PAK5: variants seen among roughly 807,000 people sequenced by gnomAD.
PAK5 encodes the protein serine/threonine-protein kinase PAK 5.
Under a neutral mutation model 65.9 loss-of-function variants are expected in PAK5, and 16 were observed. That is an observed-to-expected ratio of 0.24 (90% CI 0.16 to 0.37). The LOEUF (loss-of-function observed/expected upper bound fraction) is 0.37. Ranked by LOEUF, PAK5 falls within the 10% of genes least tolerant of loss-of-function variation. The pLI, the probability that PAK5 is intolerant of heterozygous loss-of-function variation, is 1.00. For missense variants in PAK5, 785 were observed against 903.9 expected (o/e 0.87, Z 1.69); for synonymous variants, 371 against 354.9 (o/e 1.05, Z -0.51).
intron 3 of PAK5, among the ~76,000 whole-genome samples, chr20:9,624,496 G>A (rs1310112635): frequency 6.6e-6 from 1 of 151,744 alleles, no homozygotes; most frequent in Non-Finnish European, 1.5e-5. Flanking sequence ...TGTCCAGGAT[G>A]GGGTAGAAAT....
chr20:9,609,636 A>C (rs1426481059), intron 3 of PAK5, among the ~76,000 whole-genome samples: 3 of 152,198 alleles, frequency 2.0e-5, no homozygotes, highest in Non-Finnish European at 4.4e-5. Context: ...AGGCAGGAAC[A>C]TGAGGGTGTT....
intron 3 of PAK5, among the ~76,000 whole-genome samples, chr20:9,588,889 G>C (rs1339767511): frequency 1.3e-5 from 2 of 152,186 alleles, no homozygotes; most frequent in Non-Finnish European, 2.9e-5. Flanking sequence ...CCCAGTGACA[G>C]TGGCCATATT....
chr20:9,614,919 A>G (rs1423333204), intron 3 of PAK5, among the ~76,000 whole-genome samples: 1 of 152,234 alleles, frequency 6.6e-6, no homozygotes, highest in Non-Finnish European at 1.5e-5. Flanking sequence ...AAGTGAAGGT[A>G]AAATGAAATT....
intron 1 of PAK5, among the ~76,000 whole-genome samples, chr20:9,780,502 A>T (rs1164933235): frequency 6.6e-6 from 1 of 152,280 alleles, no homozygotes; most frequent in East Asian, 1.9e-4. Flanking sequence ...CATGCACATC[A>T]TCATCCCAAT....
chr20:9,598,516 A>G (rs1166707641), intron 3 of PAK5, among the ~76,000 whole-genome samples: 1 of 152,150 alleles, frequency 6.6e-6, no homozygotes, highest in East Asian at 1.9e-4. Flanking sequence ...CTGGTTCTAG[A>G]TCCTTGAGGA....
intron 1 of PAK5, among the ~76,000 whole-genome samples, chr20:9,829,016 C>T (rs1336654246): frequency 6.6e-6 from 1 of 152,204 alleles, no homozygotes; most frequent in African/African-American, 2.4e-5. Context: ...CAAAGGTACA[C>T]CTTATGGCCA....
At chr20:9,819,391 G>A (rs563436513) in intron 1 of PAK5, among the ~76,000 whole-genome samples, 2 of 152,076 alleles carry the variant, frequency 1.3e-5, no homozygotes, top group South Asian at 4.2e-4. Flanking sequence ...TGGTGTCTTT[G>A]GTAACTTATA....
In PAK5 at chr20:9,812,288, CA is replaced by C. The variant is rs921265782; in HGVS notation, c.-162+26473del. 4.2e-3 allele frequency among the ~76,000 whole-genome samples: 602 copies of C among 141,960 alleles called. 2 individuals carry two copies. Among genetic ancestry groups the C allele is most frequent in the African/African-American group, 0.013 (485 of 38,706 alleles). 93.1% of individuals were successfully genotyped at this position (141,960 alleles called of 152,430 possible). A position where few individuals can be genotyped will look rare whatever the true frequency, so the allele number is the denominator to read the frequency against. ...TTTTTGAATTTCATAAGCTCAATAACAAAAAAAAAACGATGTTTAAAATCAA... is the reference window on the plus strand; with the variant it reads ...TTTTTGAATTTCATAAGCTCAATAACAAAAAAAAACGATGTTTAAAATCAA... On this transcript the variant is annotated intron_variant, in intron 1 of 9. Coordinates refer to ENST00000353224, the MANE Select transcript of PAK5 (RefSeq NM_177990.4).
At chr20:9,800,290 T>C (rs1337212595) in intron 1 of PAK5, among the ~76,000 whole-genome samples, 1 of 152,166 alleles carries the variant, frequency 6.6e-6, no homozygotes, top group Non-Finnish European at 1.5e-5. Flanking sequence ...TTGAAATTTC[T>C]ATCACAGCCT....
At chr20:9,698,673 A>G (rs566348659) in intron 2 of PAK5, among the ~76,000 whole-genome samples, 100 of 152,274 alleles carry the variant, frequency 6.6e-4, no homozygotes, top group African/African-American at 2.3e-3. Flanking sequence ...CAAAGCATGG[A>G]TTTCACTTTG....
At chr20:9,636,457 G>A (rs1051151381) in intron 3 of PAK5, among the ~76,000 whole-genome samples, 6 of 152,040 alleles carry the variant, frequency 3.9e-5, no homozygotes, top group African/African-American at 1.4e-4. Flanking sequence ...AGCAGCAGTC[G>A]ATAAAAAAGG....
At chr20:9,591,113 G>A (rs991851202) in intron 3 of PAK5, among the ~76,000 whole-genome samples, 4 of 152,118 alleles carry the variant, frequency 2.6e-5, no homozygotes, top group African/African-American at 9.7e-5. Flanking sequence ...ATGATTAGAA[G>A]TATTTTTCCA....
In PAK5 at chr20:9,838,511, T is replaced by C. The variant is rs1251044273; in HGVS notation, c.-162+251A>G. On this transcript the variant is annotated intron_variant, in intron 1 of 9. Coordinates refer to ENST00000353224, the MANE Select transcript of PAK5 (RefSeq NM_177990.4). This position sits in a 1 kb window ranked among gnomAD's most constrained non-coding sequence, Gnocchi z 4.5. ...AAAATGGAACCATCCTTTATTTGGT[T>C]GGTAGAGAGCCCAGGCTGGATAGTA... Among the ~76,000 whole-genome samples the C allele has an allele frequency of 2.0e-5, 3 of 152,194 alleles. No individual in the cohort carries two copies. The highest frequency in any genetic ancestry group is 3.4e-3 in the Middle Eastern group (1 of 294).
At chr20:9,816,836 G>T (rs2049363175) in intron 1 of PAK5, among the ~76,000 whole-genome samples, 1 of 152,032 alleles carries the variant, frequency 6.6e-6, no homozygotes, top group East Asian at 1.9e-4. Flanking sequence ...TATTACTACT[G>T]GTATCAGTTC....
chr20:9,829,909 T>C (rs957860154), intron 1 of PAK5, among the ~76,000 whole-genome samples: 1 of 152,162 alleles, frequency 6.6e-6, no homozygotes, highest in Non-Finnish European at 1.5e-5. Context: ...CCCTTTCTCT[T>C]TCTACCATGG....
At chr20:9,765,160 T>C (rs2048743153) in intron 1 of PAK5, among the ~76,000 whole-genome samples, 1 of 152,194 alleles carries the variant, frequency 6.6e-6, no homozygotes, top group African/African-American at 2.4e-5. Flanking sequence ...ATAGCTGCAC[T>C]GGAGAGTTTC....
At chr20:9,736,182 T>G (rs1234465840) in intron 1 of PAK5, among the ~76,000 whole-genome samples, 1 of 152,002 alleles carries the variant, frequency 6.6e-6, no homozygotes, top group Non-Finnish European at 1.5e-5. Flanking sequence ...ATTACAGGCA[T>G]GAGCAACTGC....
intron 3 of PAK5, among the ~76,000 whole-genome samples, chr20:9,608,912 G>GA (rs1317564246): frequency 6.6e-6 from 1 of 152,190 alleles, no homozygotes; most frequent in African/African-American, 2.4e-5. Flanking sequence ...AAGAATAAAA[G>GA]AAGAGAAAAG....
chr20:9,580,654 T>C lies in PAK5; in HGVS notation c.481A>G (p.Arg161Gly), dbSNP rs1471760463. Residue 161 changes from arginine to glycine, a missense_variant, in exon 4 of 10, where the codon AGA (arginine) becomes GGA (glycine). Physicochemically the swap from Arg to Gly is moderately radical, Grantham distance 125 (BLOSUM62 -2). Around this residue, in one of 4 missense-constraint regions of PAK5, gnomAD observed 422 missense variants for 413.3 expected, o/e 1.02. Transcript: ENST00000353224. The part of the protein sequence containing the change: ...LYGDDLDPYY[R>G]GSHAAKQNGH... ...TTTTGCTTGGCTGCGTGGCTGCCTCTATAATACGGATCCAGATCATCTCCA... is the reference window on the plus strand; with the variant it reads ...TTTTGCTTGGCTGCGTGGCTGCCTCCATAATACGGATCCAGATCATCTCCA... The C allele has an allele frequency of 2.5e-6, 4 of 1,614,018 alleles. No homozygotes were observed. Among genetic ancestry groups the C allele is most frequent in the Non-Finnish European group, 3.4e-6 (4 of 1,180,030 alleles).
Sources: allele counts gnomAD v4.1 joint callset (sites outside exome capture counted in the v4.1 genomes callset), GRCh38; gene constraint gnomAD v4.1.1; regional missense constraint gnomAD v4.1.1; non-coding constraint Gnocchi (gnomAD v3.1); transcripts MANE v1.5; gene names NCBI Gene and HGNC (gene_info 2026-07-23, HGNC 2026-07-21).